Variants in SRBD1 observed in about 807,000 individuals in gnomAD.
SRBD1 encodes the protein S1 RNA binding domain 1, also known as S1 RNA-binding domain-containing protein 1.
SRBD1 carries 88 observed loss-of-function variants against 115.3 expected under a neutral mutation model. The observed-to-expected ratio is 0.76, with a 90% CI of 0.64 to 0.91. The LOEUF (loss-of-function observed/expected upper bound fraction) is 0.91, where lower values mean the gene tolerates loss of function less well. Among genes scored for constraint, SRBD1 ranks in the 40% least tolerant of loss-of-function variants. The pLI, the probability that SRBD1 is intolerant of heterozygous loss-of-function variation, is 0.00. For synonymous variants in SRBD1, 509 were observed against 407.7 expected (o/e 1.25, Z -2.99); for missense variants, 1,385 against 1,177.4 (o/e 1.18, Z -2.58).
intron 16 of SRBD1, among the ~76,000 whole-genome samples, chr2:45,466,544 G>C (rs1047453322): frequency 2.6e-5 from 4 of 152,036 alleles, no homozygotes; most frequent in Non-Finnish European, 2.9e-5. Context: ...AATTCTTTCA[G>C]ACTTCTGCCT....
chr2:45,548,394 G>C (rs1289566189), intron 12 of SRBD1, among the ~76,000 whole-genome samples: 2 of 151,802 alleles, frequency 1.3e-5, no homozygotes, highest in Non-Finnish European at 2.9e-5. Context: ...ATAAAAAGAA[G>C]ATATAACTAG....
At position 45,579,891 on chromosome 2, in the gene SRBD1, A is replaced by C; in HGVS notation, c.1056T>G (p.Ile352Met). Residue 352 changes from isoleucine (I) to methionine (M), a missense_variant, in exon 7 of 21, where the codon ATT (isoleucine) becomes ATG (methionine). Physicochemically the swap from Ile to Met is conservative, Grantham distance 10. Coordinates refer to ENST00000263736, the MANE Select transcript of SRBD1 (RefSeq NM_018079.5). ...KPGELSLLSY[I>M]RPDVKGLSTL... ...AGCCAGTACCTTTAACGTCAGGCCT[A>C]ATGTACGATAGCAGACTGAGCTCCC... 1 of 1,594,490 alleles carries C rather than the reference A, an allele frequency of 6.3e-7. No homozygotes were observed. The highest frequency in any genetic ancestry group is 8.5e-7 in the Non-Finnish European group (1 of 1,173,292).
chr2:45,552,734 G>A (rs1283547071), intron 11 of SRBD1, among the ~76,000 whole-genome samples: 2 of 152,082 alleles, frequency 1.3e-5, no homozygotes, highest in Non-Finnish European at 2.9e-5. Context: ...CTACATCTAG[G>A]CTAAAATGGA....
intron 9 of SRBD1, among the ~76,000 whole-genome samples, chr2:45,571,297 C>G (rs1039177523): frequency 6.6e-6 from 1 of 151,106 alleles, no homozygotes; most frequent in Non-Finnish European, 1.5e-5. Context: ...GTTTTTGGCT[C>G]CAGGCATTTA....
chr2:45,506,445 G>A (rs1295990900), intron 14 of SRBD1, among the ~76,000 whole-genome samples: 1 of 152,120 alleles, frequency 6.6e-6, no homozygotes, highest in Non-Finnish European at 1.5e-5. Flanking sequence ...GAAGTATCTA[G>A]AACAGGTATG....
At chr2:45,498,494 A>C (rs1670528538) in intron 14 of SRBD1, among the ~76,000 whole-genome samples, 1 of 152,186 alleles carries the variant, frequency 6.6e-6, no homozygotes, top group Non-Finnish European at 1.5e-5. Flanking sequence ...TGATCAAATC[A>C]GGGTATAAGT....
chr2:45,538,370 C>A (rs982954601), intron 14 of SRBD1, among the ~76,000 whole-genome samples: 6 of 152,142 alleles, frequency 3.9e-5, no homozygotes, highest in Non-Finnish European at 7.4e-5. Context: ...TCAGAAAATT[C>A]AGCTAGTGAG....
intron 14 of SRBD1, among the ~76,000 whole-genome samples, chr2:45,518,895 C>T (rs1015368123): frequency 7.3e-5 from 11 of 150,434 alleles, no homozygotes; most frequent in Admixed American, 7.3e-4. Context: ...TTATTTAAAT[C>T]TCATTTTTCC....
At chr2:45,494,949 T>C (rs1670411123) in intron 14 of SRBD1, among the ~76,000 whole-genome samples, 1 of 152,228 alleles carries the variant, frequency 6.6e-6, no homozygotes, top group Middle Eastern at 3.2e-3. Context: ...AAGTTTGTTA[T>C]GTTTCAAAAA....
intron 18 of SRBD1, among the ~76,000 whole-genome samples, chr2:45,414,492 GTA>G (rs540087660): frequency 6.6e-6 from 1 of 150,584 alleles, no homozygotes; most frequent in Non-Finnish European, 1.5e-5. Context: ...TGTACAGTGT[GTA>G]TATAGTGTGT....
Position 45,488,265 on chromosome 2 carries a change from C to T in SRBD1, c.1941G>A (p.Gly647=), listed in dbSNP as rs758528980. The T allele has an allele frequency of 1.9e-6, 3 of 1,613,934 alleles. No individual in the cohort carries two copies. The South Asian group carries it at 3.3e-5, about 18-fold the overall frequency. The change falls in exon 15 of 21, where the codon GGG becomes GGA. Residue 647 remains glycine (G), a synonymous_variant. Coordinates refer to ENST00000263736, the MANE Select transcript of SRBD1 (RefSeq NM_018079.5). ...CTGCACTTCTCAAATTAGGGTCCAGCCCTGGCATCTCTTTGTTAGCTTCAG... is the reference window on the plus strand; with the variant it reads ...CTGCACTTCTCAAATTAGGGTCCAGTCCTGGCATCTCTTTGTTAGCTTCAG... ...VSPEANKEMP[G]LDPNLRSAVS... is the part of the protein sequence containing the mutation.
chr2:45,551,514 C>T (rs1232605494), intron 11 of SRBD1, among the ~76,000 whole-genome samples: 2 of 152,082 alleles, frequency 1.3e-5, no homozygotes, highest in Non-Finnish European at 2.9e-5. Context: ...CCTACATTAC[C>T]TCTCTATCTG....
chr2:45,492,228 A>T (rs1279776321), intron 14 of SRBD1, among the ~76,000 whole-genome samples: 1 of 152,264 alleles, frequency 6.6e-6, no homozygotes, highest in Non-Finnish European at 1.5e-5. Flanking sequence ...ACGTTTAAAT[A>T]ACAGAATTGA....
At position 45,446,207 on chromosome 2, in the gene SRBD1, G is replaced by C. The variant is rs3770260; in HGVS notation, c.2050-26313C>G. On this transcript the variant is annotated intron_variant, in intron 16 of 20. Transcript: ENST00000263736. The stretch of plus-strand genomic sequence containing the variant: ...ATTCCCAGCAGGTTGGCTTCACACA[G>C]ATGTTGGCCTTCTGCACAGTATGCC... Among the ~76,000 whole-genome samples, 28 of 152,298 alleles carry C rather than the reference G, an allele frequency of 1.8e-4. No individual in the cohort carries two copies. In the East Asian group the frequency reaches 5.4e-3, roughly 29 times the overall value.
chr2:45,566,616 C>A lies in SRBD1; in HGVS notation c.1306-3860G>T, dbSNP rs571929599. ...ATGGTGACACAACTGAGTGAATTTA[C>A]GAAAAACCATTGAACTTACAAAGTT... On this transcript the variant is annotated intron_variant, in intron 9 of 20. Coordinates refer to ENST00000263736, the MANE Select transcript of SRBD1 (RefSeq NM_018079.5). 3.9e-5 allele frequency among the ~76,000 whole-genome samples: 6 copies of A among 152,188 alleles called. No homozygotes were observed. The South Asian group carries it at 1.2e-3, about 32-fold the overall frequency.
At chr2:45,397,648 G>A (rs1364998972) in intron 19 of SRBD1, among the ~76,000 whole-genome samples, 1 of 152,210 alleles carries the variant, frequency 6.6e-6, no homozygotes, top group Non-Finnish European at 1.5e-5. Context: ...GTTTCACCCA[G>A]GGGCTGTAGC....
intron 7 of SRBD1, among the ~76,000 whole-genome samples, chr2:45,575,528 C>T (rs1673149830): frequency 6.6e-6 from 1 of 152,024 alleles, no homozygotes. Context: ...TGTATATTTT[C>T]CTGTAAGTAA....
chr2:45,437,357 T>TAAAAAA (rs144108756), intron 16 of SRBD1, among the ~76,000 whole-genome samples: 245 of 133,952 alleles, frequency 1.8e-3, no homozygotes, highest in South Asian at 0.011. Context: ...AGTATTGGTT[T>TAAAAAA]AAAAAAAAAA....
At chr2:45,406,501 T>C (rs770709641) in intron 19 of SRBD1, among the ~76,000 whole-genome samples, 1 of 152,202 alleles carries the variant, frequency 6.6e-6, no homozygotes, top group South Asian at 2.1e-4. Flanking sequence ...TCTCTTGCCA[T>C]ATTTAATTGA....
Sources: gnomAD v4.1 joint callset for allele counts (sites outside exome capture counted in the v4.1 genomes callset) on GRCh38, gnomAD v4.1.1 for gene constraint, MANE v1.5 for transcripts, NCBI Gene and HGNC (gene_info 2026-07-23, HGNC 2026-07-21) for gene names.